SVEP1: variants seen among roughly 807,000 people sequenced by gnomAD.
SVEP1 encodes sushi, von Willebrand factor type A, EGF and pentraxin domain-containing protein 1.
In SVEP1, 164 loss-of-function variants were observed where a neutral mutation model predicts 367.3. The observed-to-expected ratio is 0.45, with a 90% CI of 0.39 to 0.51. The LOEUF (loss-of-function observed/expected upper bound fraction) is 0.51, where lower values mean the gene tolerates loss of function less well. Among genes scored for constraint, SVEP1 ranks in the 20% least tolerant of loss-of-function variants. The pLI, the probability that SVEP1 is intolerant of heterozygous loss-of-function variation, is 0.00. For missense variants in SVEP1, 4,117 were observed against 4,425.3 expected (o/e 0.93, Z 1.98); for synonymous variants, 1,666 against 1,611.6 (o/e 1.03, Z -0.81).
At position 110,365,972 on chromosome 9, in the gene SVEP1, G is replaced by A. The variant is rs1219668824; in HGVS notation, c.*567C>T. The A allele has an allele frequency of 1.3e-5, 2 of 152,178 alleles. No homozygotes were observed. Among genetic ancestry groups the A allele is most frequent in the Non-Finnish European group, 2.9e-5 (2 of 68,046 alleles). The allele number at this position is 152,178 out of a possible 1,614,324, so 9.4% of individuals were successfully genotyped here. A position where few individuals can be genotyped will look rare whatever the true frequency, so the allele number is the denominator to read the frequency against. On this transcript the variant is annotated 3_prime_UTR_variant, in exon 48 of 48. Transcript: ENST00000374469. Reference sequence around the variant, plus strand: ...ATAATTATGTGGTGGAGAGTACCAGGTCCAACAGTTACTCTCTGATTGATT... The same window carrying A: ...ATAATTATGTGGTGGAGAGTACCAGATCCAACAGTTACTCTCTGATTGATT...
At chr9:110,512,852 T>C in intron 5 of SVEP1, 74 bp downstream of exon 5, 1 of 1,538,864 alleles carries the variant, frequency 6.5e-7, no homozygotes, top group South Asian at 1.1e-5. Context: ...AAGAACTGAC[T>C]GGTTTACTAG....
intron 18 of SVEP1, 61 bp from the exon 19 acceptor site, chr9:110,459,174 A>C: frequency 1.3e-6 from 2 of 1,524,018 alleles, no homozygotes; most frequent in Non-Finnish European, 1.8e-6. Context: ...ATTTGAAAGA[A>C]GTGATTTAAT....
Position 110,411,146 on chromosome 9 carries a change from T to C in SVEP1, c.6565A>G (p.Thr2189Ala), listed in dbSNP as rs774246227. 20 of 1,613,836 alleles carry C rather than the reference T, an allele frequency of 1.2e-5. No individual in the cohort carries two copies. Among genetic ancestry groups the C allele is most frequent in the Non-Finnish European group, 1.5e-5 (18 of 1,179,878 alleles). ...GGTATAGGACTACTCCACTGCCCTG[T>C]GGCTTCGCAGGTGCTCTTCTTTTCC... ...KGEKKSTCEA[T>A]GQWSSPIPTC... is the part of the protein sequence containing the mutation. The change falls in exon 37 of 48, where the codon ACA becomes GCA. Residue 2189 changes from threonine (T) to alanine (A), a missense_variant. Transcript: ENST00000374469.
chr9:110,489,568 CT>C, intron 9 of SVEP1, 81 bp downstream of exon 9: 2 of 1,391,286 alleles, frequency 1.4e-6, no homozygotes, highest in Non-Finnish European at 2.0e-6. Flanking sequence ...CCACTGGGTC[CT>C]TCCCACGACA....
intron 25 of SVEP1, among the ~76,000 whole-genome samples, chr9:110,446,321 G>A (rs752765283): frequency 6.6e-5 from 10 of 152,184 alleles, no homozygotes; most frequent in Non-Finnish European, 1.2e-4. Flanking sequence ...ACTAAAGCCA[G>A]GAGATACTAA....
chr9:110,393,420 T>A (rs55633571), intron 40 of SVEP1, among the ~76,000 whole-genome samples: 8,979 of 152,178 alleles, frequency 0.059, 356 homozygotes, highest in African/African-American at 0.11. Context: ...TAGGAACAGC[T>A]CCAGTCTACA....
Position 110,550,111 on chromosome 9 carries a change from T to C in SVEP1, c.532-7A>G, listed in dbSNP as rs1394455812. The C allele has an allele frequency of 3.1e-6, 5 of 1,613,582 alleles. No homozygotes were observed. The East Asian group carries it at 1.1e-4, about 36-fold the overall frequency. On this transcript the variant is annotated splice_region_variant and splice_polypyrimidine_tract_variant and intron_variant, in intron 1 of 47. Transcript: ENST00000374469. The stretch of plus-strand genomic sequence containing the variant: ...TAGCATGAAGAAGAATTTGCTGTAA[T>C]GAAATGGGGAAAGTTAATATGAGTG...
intron 3 of SVEP1, among the ~76,000 whole-genome samples, chr9:110,528,156 G>GTGTGTATATGTATATATATA: frequency 2.9e-5 from 1 of 33,940 alleles, no homozygotes; most frequent in East Asian, 5.2e-4. Flanking sequence ...GTGTGTGTGT[G>GTGTGTATATGTATATATATA]TATATATATA....
intron 35 of SVEP1, among the ~76,000 whole-genome samples, chr9:110,428,429 C>CACACACACACACACACACACACACAA (rs60798857): frequency 7.3e-5 from 11 of 151,110 alleles, no homozygotes; most frequent in African/African-American, 2.7e-4. Context: ...CACACACACA[C>CACACACACACACACACACACACACAA]CATTAATCTC....
chr9:110,572,787 CACA>C (rs1830580434), intron 1 of SVEP1, among the ~76,000 whole-genome samples: 3 of 38,412 alleles, frequency 7.8e-5, no homozygotes, highest in African/African-American at 1.3e-4. Flanking sequence ...CTCTCTCTCT[CACA>C]AAAAAAAAAA....
Position 110,385,911 on chromosome 9 carries a change from G to A in SVEP1, c.10224C>T (p.Ser3408=), listed in dbSNP as rs373058943. 1.1e-5 allele frequency: 18 copies of A among 1,612,950 alleles called. No homozygotes were observed. Among genetic ancestry groups the A allele is most frequent in the Middle Eastern group, 3.3e-4 (2 of 6,060 alleles). ...CTGCTGACTTACTTTCACATTTGGC[G>A]CTTGTCTGTGTCCACGTCTCGTCGG... ...CNPDETWTQT[S]AKCEKISCGP... is the part of the protein sequence containing the mutation. The change falls in exon 43 of 48, where the codon AGC becomes AGT. Residue 3408 remains serine, a synonymous_variant. Transcript: ENST00000374469.
At chr9:110,492,148 T>C (rs759486456) in intron 8 of SVEP1, among the ~76,000 whole-genome samples, 65 of 152,170 alleles carry the variant, frequency 4.3e-4, no homozygotes, top group Non-Finnish European at 9.4e-4. Flanking sequence ...GAATGGATTT[T>C]GAACCTACCA....
intron 1 of SVEP1, among the ~76,000 whole-genome samples, chr9:110,554,685 T>C (rs1179309542): frequency 6.6e-6 from 1 of 152,038 alleles, no homozygotes; most frequent in African/African-American, 2.4e-5. Flanking sequence ...GATTTAAATG[T>C]ATCAAGTATA....
Position 110,454,940 on chromosome 9 carries a change from C to T in SVEP1, c.3787+650G>A, listed in dbSNP as rs557515818. Among the ~76,000 whole-genome samples the T allele has an allele frequency of 2.6e-5, 4 of 152,228 alleles. No individual in the cohort carries two copies. In the East Asian group the frequency reaches 5.8e-4, roughly 22 times the overall value. On this transcript the variant is annotated intron_variant, in intron 22 of 47. Transcript: ENST00000374469. The stretch of plus-strand genomic sequence containing the variant: ...TCCATGTAACAAACCTGCACTTGTA[C>T]TCTCTGAATTTAAAATAAAAGTTGA...
At chr9:110,562,350 A>G (rs930773307) in intron 1 of SVEP1, among the ~76,000 whole-genome samples, 3 of 152,216 alleles carry the variant, frequency 2.0e-5, no homozygotes, top group Non-Finnish European at 4.4e-5. Flanking sequence ...TTTATTATCA[A>G]TATTGTTATG....
intron 8 of SVEP1, among the ~76,000 whole-genome samples, chr9:110,490,529 T>A (rs1447961972): frequency 2.0e-5 from 3 of 152,124 alleles, no homozygotes; most frequent in African/African-American, 7.2e-5. Flanking sequence ...CTACTCTCTA[T>A]CTTAATGAGA....
chr9:110,540,831 C>A (rs908399330), intron 3 of SVEP1, among the ~76,000 whole-genome samples: 10 of 152,140 alleles, frequency 6.6e-5, no homozygotes, highest in South Asian at 4.1e-4. Flanking sequence ...TTTTGTGCAT[C>A]AGGATCTTGT....
At chr9:110,435,505 A>T in intron 28 of SVEP1, 141 bp from the exon 29 acceptor site, 1 of 920,094 alleles carries the variant, frequency 1.1e-6, no homozygotes, top group South Asian at 1.7e-5. Flanking sequence ...TTTCAGGGGC[A>T]GCAGGAGATT....
chr9:110,446,797 G>A lies in SVEP1; in HGVS notation c.4261+103C>T, dbSNP rs143366545. 7.6e-3 allele frequency: 7,807 copies of A among 1,025,632 alleles called. 39 individuals carry two copies. Among genetic ancestry groups the A allele is most frequent in the Non-Finnish European group, 8.9e-3 (6,817 of 767,632 alleles). The allele number at this position is 1,025,632 out of a possible 1,614,324, so 63.5% of individuals were successfully genotyped here. A position where few individuals can be genotyped will look rare whatever the true frequency, so the allele number is the denominator to read the frequency against. On this transcript the variant is annotated intron_variant, in intron 25 of 47. Transcript: ENST00000374469. ...AAATGAGTACAAAGTGCTTGGCATC[G>A]TTTTTGGCCTACGGACACTGCTTGG...
Sources: allele counts gnomAD v4.1 joint callset (sites outside exome capture counted in the v4.1 genomes callset), GRCh38; gene constraint gnomAD v4.1.1; transcripts MANE v1.5; gene names NCBI Gene and HGNC (gene_info 2026-07-23, HGNC 2026-07-21).